Variants in CHD9 observed in about 807,000 individuals in gnomAD.
The protein encoded by CHD9 is chromodomain helicase DNA binding protein 9, also known as ATP-dependent chromatin remodeler CHD9.
A neutral mutation model predicts 316.1 loss-of-function variants in CHD9; 77 were observed. That is an observed-to-expected ratio of 0.24 (90% CI 0.20 to 0.29). CHD9 has a LOEUF of 0.29. CHD9 is among the 10% of genes least tolerant of loss of function. The probability of loss-of-function intolerance (pLI) is 1.00; values close to 1 mark genes in which losing one functional copy is unlikely to be tolerated. For missense variants in CHD9, 2,763 were observed against 3,438.1 expected (o/e 0.80, Z 4.91); for synonymous variants, 1,129 against 1,158.3 (o/e 0.97, Z 0.51).
intron 2 of CHD9, among the ~76,000 whole-genome samples, chr16:53,172,809 A>G (rs1037775610): frequency 6.6e-6 from 1 of 152,118 alleles, no homozygotes; most frequent in Non-Finnish European, 1.5e-5. Context: ...GCTTATTTCT[A>G]TCCATATATA....
At chr16:53,163,238 T>C (rs1220551036) in intron 2 of CHD9, among the ~76,000 whole-genome samples, 3 of 152,108 alleles carry the variant, frequency 2.0e-5, no homozygotes, top group Non-Finnish European at 2.9e-5. Flanking sequence ...GAGACGGAGT[T>C]TCACTTTTGT....
rs150343540 is a variant in CHD9, at chr16:53,077,231, G to A, written c.-165+22154G>A. Among the ~76,000 whole-genome samples, 34 of 151,866 alleles carry A rather than the reference G, an allele frequency of 2.2e-4. No individual in the cohort carries two copies. In the East Asian group the frequency reaches 4.7e-3, roughly 21 times the overall value. ...TCAAACTGCTGACCTCAGGTGATCC[G>A]CCTGCCTTGGCTTCCCAAAGTGTTG... On this transcript the variant is annotated intron_variant, in intron 1 of 38. Coordinates refer to ENST00000447540, the MANE Select transcript of CHD9 (RefSeq NM_001308319.2).
intron 1 of CHD9, among the ~76,000 whole-genome samples, chr16:53,062,164 C>G (rs894836793): frequency 1.3e-5 from 2 of 152,186 alleles, no homozygotes; most frequent in African/African-American, 4.8e-5. Flanking sequence ...TACTAGAATG[C>G]TACTGTAACA....
Position 53,303,738 on chromosome 16 carries a change from T to C in CHD9, c.5732T>C (p.Ile1911Thr). ...PSKEELVDPN[I>T]FIQPITEERA... is the part of the protein sequence containing the mutation. ...TATGTAGAATTGGTGGATCCAAATA[T>C]TTTTATCCAGCCCATCACAGAAGAA... is the stretch of plus-strand genomic sequence containing the variant. The change falls in exon 31 of 39, where the codon ATT becomes ACT. Residue 1911 changes from isoleucine (I) to threonine (T), a missense_variant. Transcript: ENST00000447540. The C allele has an allele frequency of 1.2e-6, 2 of 1,601,982 alleles. No individual in the cohort carries two copies. The highest frequency in any genetic ancestry group is 1.7e-6 in the Non-Finnish European group (2 of 1,174,042).
At chr16:53,095,177 C>T (rs1395141154) in intron 1 of CHD9, among the ~76,000 whole-genome samples, 2 of 152,126 alleles carry the variant, frequency 1.3e-5, no homozygotes, top group Admixed American at 6.5e-5. Context: ...TTCCTTTGCT[C>T]CTCTAAAAAC....
At chr16:53,234,639 C>T (rs2048465164) in intron 10 of CHD9, among the ~76,000 whole-genome samples, 1 of 151,036 alleles carries the variant, frequency 6.6e-6, no homozygotes, top group South Asian at 2.1e-4. Flanking sequence ...ATTGTGTCTC[C>T]CTGTGTTGCC....
Position 53,156,173 on chromosome 16 carries a change from A to G in CHD9, c.84A>G (p.Val28=), listed in dbSNP as rs781617674. 2 of 1,613,972 alleles carry G rather than the reference A, an allele frequency of 1.2e-6. No individual in the cohort carries two copies. The highest frequency in any genetic ancestry group is 1.7e-5 in the Admixed American group (1 of 60,028). Residue 28 remains valine (V), a synonymous_variant, in exon 2 of 39, where the codon GTA becomes GTG. Coordinates refer to ENST00000447540, the MANE Select transcript of CHD9 (RefSeq NM_001308319.2). ...TLEGLSDDAF[V]QPGPVSLVDE... ...AAGGTTTGTCAGATGATGCATTTGTACAACCAGGACCTGTTTCACTAGTTG... is the reference window on the plus strand; with the variant it reads ...AAGGTTTGTCAGATGATGCATTTGTGCAACCAGGACCTGTTTCACTAGTTG...
At chr16:53,176,969 T>A (rs1597299681) in intron 2 of CHD9, among the ~76,000 whole-genome samples, 1 of 152,158 alleles carries the variant, frequency 6.6e-6, no homozygotes, top group South Asian at 2.1e-4. Flanking sequence ...ATATATATAT[T>A]TTTTGAGACA....
At chr16:53,079,741 T>G (rs934045137) in intron 1 of CHD9, among the ~76,000 whole-genome samples, 1 of 152,076 alleles carries the variant, frequency 6.6e-6, no homozygotes, top group African/African-American at 2.4e-5. Context: ...CTATGAAAAC[T>G]CTTGAACAAT....
chr16:53,286,167 T>C (rs2053856104), intron 25 of CHD9, 59 bp from the exon 26 acceptor site: 1 of 901,376 alleles, frequency 1.1e-6, no homozygotes, highest in Non-Finnish European at 1.8e-6. Flanking sequence ...GGAATGCTTA[T>C]ATGTATACAC....
rs1409390714 is a variant in CHD9 at position 53,209,640 on chromosome 16, A to C, written c.1611A>C (p.Ala537=). Residue 537 remains alanine, a synonymous_variant, in exon 3 of 39, where the codon GCA becomes GCC. Transcript: ENST00000447540. ...NRIISEAIAK[A]KERGERNIPR... is the part of the protein sequence containing the mutation. Reference sequence around the variant, plus strand: ...TAATATCAGAGGCCATAGCAAAAGCAAAGGAGCGTGGGGAACGCAATATTC... The same window carrying C: ...TAATATCAGAGGCCATAGCAAAAGCCAAGGAGCGTGGGGAACGCAATATTC... 6.2e-7 allele frequency: 1 copy of C among 1,613,934 alleles called. No individual in the cohort carries two copies. Among genetic ancestry groups the C allele is most frequent in the Non-Finnish European group, 8.5e-7 (1 of 1,179,840 alleles).
intron 1 of CHD9, among the ~76,000 whole-genome samples, chr16:53,077,489 A>G (rs533018369): frequency 1.3e-5 from 2 of 151,234 alleles, no homozygotes; most frequent in Admixed American, 6.6e-5. Context: ...ACGCCCAGTT[A>G]ATTTTGTTTT....
chr16:53,294,926 G>A (rs950450114), intron 29 of CHD9, among the ~76,000 whole-genome samples: 4 of 152,154 alleles, frequency 2.6e-5, no homozygotes, highest in African/African-American at 9.7e-5. Context: ...TTAAGCCTAA[G>A]TTTGAAGGTC....
intron 3 of CHD9, among the ~76,000 whole-genome samples, chr16:53,210,114 A>C (rs970834156): frequency 6.6e-6 from 1 of 152,146 alleles, no homozygotes; most frequent in Admixed American, 6.6e-5. Flanking sequence ...AACAAAATGA[A>C]ATCCATATTG....
At chr16:53,177,144 T>C (rs1851300888) in intron 2 of CHD9, among the ~76,000 whole-genome samples, 1 of 152,134 alleles carries the variant, frequency 6.6e-6, no homozygotes, top group South Asian at 2.1e-4. Context: ...TTCATAGAGA[T>C]AGGATTTCAC....
intron 1 of CHD9, among the ~76,000 whole-genome samples, chr16:53,134,545 A>G (rs1343376395): frequency 6.6e-6 from 1 of 152,172 alleles, no homozygotes; most frequent in African/African-American, 2.4e-5. Flanking sequence ...ATAAAATCGT[A>G]TCTTGTCCTT....
intron 1 of CHD9, among the ~76,000 whole-genome samples, chr16:53,063,396 AC>A (rs2033147711): frequency 1.3e-5 from 2 of 151,726 alleles, no homozygotes; most frequent in African/African-American, 2.4e-5. Context: ...ACACACACAC[AC>A]ACACAAAATG....
chr16:53,241,972 A>G (rs561078221), intron 12 of CHD9, among the ~76,000 whole-genome samples: 39 of 152,012 alleles, frequency 2.6e-4, no homozygotes, highest in Admixed American at 2.3e-3. Context: ...CCCCTCCCCA[A>G]CTCACTGGGT....
intron 30 of CHD9, chr16:53,299,782 T>C (rs1410829151): frequency 5.8e-6 from 1 of 171,620 alleles, no homozygotes; most frequent in Non-Finnish European, 1.2e-5. Context: ...AAAAGAAGCT[T>C]TCAGCTTACA....
Sources: allele counts gnomAD v4.1 joint callset (sites outside exome capture counted in the v4.1 genomes callset), GRCh38; gene constraint gnomAD v4.1.1; transcripts MANE v1.5; gene names NCBI Gene and HGNC (gene_info 2026-07-23, HGNC 2026-07-21).